The following SORCS1 variants were observed in gnomAD, a reference collection of about 807,000 sequenced individuals.
The protein encoded by SORCS1 is sortilin related VPS10 domain containing receptor 1.
Under a neutral mutation model 146.1 loss-of-function variants are expected in SORCS1, and 60 were observed. That is an observed-to-expected ratio of 0.41 (90% CI 0.33 to 0.51). SORCS1 has a LOEUF of 0.51. Among genes scored for constraint, SORCS1 ranks in the 20% least tolerant of loss-of-function variants. SORCS1 has a pLI of 0.21. For missense variants in SORCS1, 1,352 were observed against 1,487.6 expected, an observed-to-expected ratio of 0.91 and a Z score of 1.50; for synonymous variants, 637 against 584.0, an observed-to-expected ratio of 1.09 and a Z score of -1.31.
At chr10:106,739,345 C>T (rs112032711) in intron 5 of SORCS1, among the ~76,000 whole-genome samples, 1 of 151,894 alleles carries the variant, frequency 6.6e-6, no homozygotes, top group East Asian at 1.9e-4. Flanking sequence ...ATTATCCTGG[C>T]GTGGTGGCAC....
chr10:106,675,337 C>G (rs775728593), intron 13 of SORCS1, among the ~76,000 whole-genome samples, 181 bp from the exon 14 acceptor site: 10 of 151,990 alleles, frequency 6.6e-5, no homozygotes, highest in Non-Finnish European at 1.5e-4. Flanking sequence ...TACAGTTAGC[C>G]AAGCCACCGG....
At chr10:107,061,341 A>C (rs1318382371) in intron 1 of SORCS1, among the ~76,000 whole-genome samples, 1 of 152,222 alleles carries the variant, frequency 6.6e-6, no homozygotes, top group East Asian at 1.9e-4. Flanking sequence ...CTACATATCT[A>C]ATTAAAATGC....
intron 1 of SORCS1, among the ~76,000 whole-genome samples, chr10:107,145,136 T>C (rs1353530208): frequency 6.6e-6 from 1 of 152,110 alleles, no homozygotes; most frequent in Admixed American, 6.5e-5. Context: ...TAAACACCAA[T>C]GTGGGTGGTA....
At chr10:107,126,905 T>C (rs192024233) in intron 1 of SORCS1, among the ~76,000 whole-genome samples, 6 of 152,234 alleles carry the variant, frequency 3.9e-5, no homozygotes, top group African/African-American at 9.6e-5. Flanking sequence ...GGAGAATACT[T>C]GTAAGCACTC....
At chr10:107,042,597 C>T (rs912345004) in intron 1 of SORCS1, among the ~76,000 whole-genome samples, 9 of 142,936 alleles carry the variant, frequency 6.3e-5, no homozygotes, top group African/African-American at 2.2e-4. Flanking sequence ...ATTTTACCAG[C>T]GGGGAAGTGA....
At chr10:106,901,979 G>A (rs1951725324) in intron 2 of SORCS1, among the ~76,000 whole-genome samples, 2 of 152,050 alleles carry the variant, frequency 1.3e-5, no homozygotes, top group South Asian at 4.2e-4. Context: ...AGGAGGTAGA[G>A]CTTGAAGTAA....
chr10:107,127,886 C>G (rs748503111), intron 1 of SORCS1, among the ~76,000 whole-genome samples: 16 of 152,184 alleles, frequency 1.1e-4, no homozygotes, highest in South Asian at 4.1e-4. Flanking sequence ...TATCTCTTTC[C>G]TTTACTAGCT....
chr10:106,956,681 T>A, intron 1 of SORCS1, 101 bp from the exon 2 acceptor site: 1 of 936,176 alleles, frequency 1.1e-6, no homozygotes, highest in Non-Finnish European at 1.6e-6. Flanking sequence ...AATAGTCACT[T>A]AACATAATTG....
At chr10:106,816,302 A>C (rs550417981) in intron 3 of SORCS1, among the ~76,000 whole-genome samples, 3 of 152,244 alleles carry the variant, frequency 2.0e-5, no homozygotes, top group Admixed American at 2.0e-4. Flanking sequence ...CAGACAAACT[A>C]GTTCTGGCTC....
In SORCS1 at chr10:106,575,676, T is replaced by C. The variant is rs1050421618; in HGVS notation, c.*1744A>G. The C allele has an allele frequency of 6.6e-6, 1 of 152,642 alleles. No homozygotes were observed. Among genetic ancestry groups the C allele is most frequent in the Non-Finnish European group, 1.5e-5 (1 of 68,044 alleles). The allele number at this position is 152,642 out of a possible 1,614,324, so 9.5% of individuals were successfully genotyped here. ...CTTTATACAGACTTAAATCTTTACTTTAATGATACTATGATACTCAGAGGT... is the reference window on the plus strand; with the variant it reads ...CTTTATACAGACTTAAATCTTTACTCTAATGATACTATGATACTCAGAGGT... On this transcript the variant is annotated 3_prime_UTR_variant, in exon 26 of 26. Transcript: ENST00000263054.
At position 106,994,086 on chromosome 10, in the gene SORCS1, A is replaced by AAAAAAAAAAG. The variant is rs1554908001; in HGVS notation, c.559-37507_559-37506insCTTTTTTTTT. 5.3e-4 allele frequency among the ~76,000 whole-genome samples: 71 copies of AAAAAAAAAAG among 134,984 alleles called. 3 individuals carry two copies. The highest frequency in any genetic ancestry group is 2.2e-3 in the African/African-American group (63 of 28,376). 88.6% of individuals were successfully genotyped at this position (134,984 alleles called of 152,430 possible). A position where few individuals can be genotyped will look rare whatever the true frequency, so the allele number is the denominator to read the frequency against. ...CTCAAAAAAAAAAAAAAAAAAAAAA[A>AAAAAAAAAAG]AGAAAATGAGAAGCAAACAAATTCA... On this transcript the variant is annotated intron_variant, in intron 1 of 25. Coordinates refer to ENST00000263054, the MANE Select transcript of SORCS1 (RefSeq NM_052918.5).
At chr10:107,023,554 AAT>A (rs1958248934) in intron 1 of SORCS1, among the ~76,000 whole-genome samples, 1 of 152,202 alleles carries the variant, frequency 6.6e-6, no homozygotes, top group South Asian at 2.1e-4. Context: ...GTCTTAGAAA[AAT>A]AACACAAATT....
chr10:106,741,627 AGAGAGAGAGT>A (rs1261319236), intron 5 of SORCS1, among the ~76,000 whole-genome samples: 3 of 151,554 alleles, frequency 2.0e-5, no homozygotes, highest in African/African-American at 7.3e-5. Context: ...ATATATAGAG[AGAGAGAGAGT>A]GAGAGAGAGA....
At chr10:107,166,588 G>A (rs1331972827), upstream of SORCS1, among the ~76,000 whole-genome samples, 1 of 152,248 alleles carries the variant, frequency 6.6e-6, no homozygotes, top group East Asian at 1.9e-4. Flanking sequence ...GGAGAGGAGA[G>A]CCAGAGGTCC....
At chr10:106,797,702 C>G (rs896859540) in intron 3 of SORCS1, among the ~76,000 whole-genome samples, 1 of 152,126 alleles carries the variant, frequency 6.6e-6, no homozygotes, top group Non-Finnish European at 1.5e-5. Flanking sequence ...TCTATACCAG[C>G]CCCAGCAGAT....
chr10:107,124,525 C>G (rs991711048), intron 1 of SORCS1, among the ~76,000 whole-genome samples: 1 of 152,090 alleles, frequency 6.6e-6, no homozygotes, highest in Non-Finnish European at 1.5e-5. Context: ...TAACTGAGCA[C>G]AGAAAACTGA....
intron 18 of SORCS1, among the ~76,000 whole-genome samples, chr10:106,647,781 C>G (rs1017978457): frequency 2.0e-5 from 3 of 152,090 alleles, no homozygotes; most frequent in Admixed American, 2.0e-4. Context: ...ACTTCTTAAG[C>G]CTGACAAAAA....
chr10:107,041,796 T>C (rs2133994404), intron 1 of SORCS1, among the ~76,000 whole-genome samples: 1 of 152,278 alleles, frequency 6.6e-6, no homozygotes, highest in East Asian at 1.9e-4. Flanking sequence ...TTTCAGAGCA[T>C]GTGTCTCTGT....
chr10:107,164,389 A>G lies in SORCS1; in HGVS notation c.138T>C (p.Ala46=), dbSNP rs1160122646. 1 of 1,457,224 alleles carries G rather than the reference A, an allele frequency of 6.9e-7. No individual in the cohort carries two copies. Among genetic ancestry groups the G allele is most frequent in the African/African-American group, 1.4e-5 (1 of 70,478 alleles). The allele number at this position is 1,457,224 out of a possible 1,614,324, so 90.3% of individuals were successfully genotyped here. A position where few individuals can be genotyped will look rare whatever the true frequency, so the allele number is the denominator to read the frequency against. The change falls in exon 1 of 26, where the codon GCT becomes GCC. Residue 46 remains alanine (A), a synonymous_variant. Transcript: ENST00000263054. This position sits in a 1 kb window ranked among gnomAD's most constrained non-coding sequence, Gnocchi z 6.8. The part of the protein sequence containing the change: ...SCCPSPHPSS[A]PRSASTPRGF... The stretch of plus-strand genomic sequence containing the variant: ...CCCTAGGGGTCGAGGCCGAGCGTGG[A>G]GCGGAGCTGGGGTGCGGCGAGGGGC...
Sources: gnomAD v4.1 joint callset for allele counts (sites outside exome capture counted in the v4.1 genomes callset) on GRCh38, gnomAD v4.1.1 for gene constraint, Gnocchi (gnomAD v3.1) non-coding constraint, MANE v1.5 for transcripts, NCBI Gene and HGNC (gene_info 2026-07-23, HGNC 2026-07-21) for gene names.